The following PDE9A variants were observed in gnomAD, a reference collection of about 807,000 sequenced individuals.
The protein encoded by PDE9A is phosphodiesterase 9A.
Under a neutral mutation model 87.4 loss-of-function variants are expected in PDE9A, and 60 were observed. The observed-to-expected ratio is 0.69, with a 90% CI of 0.56 to 0.85. PDE9A has a LOEUF of 0.85. PDE9A is among the 40% of genes least tolerant of loss of function. PDE9A has a pLI of 0.00. For missense variants in PDE9A, 665 were observed against 779.0 expected (o/e 0.85, Z 1.74); for synonymous variants, 272 against 279.4 (o/e 0.97, Z 0.27).
intron 8 of PDE9A, among the ~76,000 whole-genome samples, chr21:42,744,650 G>A (rs957399047): frequency 6.6e-6 from 1 of 152,116 alleles, no homozygotes; most frequent in Admixed American, 6.5e-5. Context: ...CAGGCGCTTC[G>A]GGGGGCCCAG....
Position 42,768,214 on chromosome 21 carries a change from T to C in PDE9A, c.1383T>C (p.Cys461=), listed in dbSNP as rs1261205662. The C allele has an allele frequency of 1.2e-6, 2 of 1,609,798 alleles. No homozygotes were observed. The highest frequency in any genetic ancestry group is 1.7e-6 in the Non-Finnish European group (2 of 1,176,088). Residue 461 remains cysteine (C), a synonymous_variant, in exon 16 of 20, where the codon TGT becomes TGC. Coordinates refer to ENST00000291539, the MANE Select transcript of PDE9A (RefSeq NM_002606.3). ...TLLKMILIKC[C]DISNEVRPME... ...TGAAGATGATTTTGATAAAATGCTG[T>C]GATATCTCTAACGAGGTCCGTCCAA...
At chr21:42,726,761 G>A (rs1052786899) in intron 4 of PDE9A, among the ~76,000 whole-genome samples, 1 of 149,300 alleles carries the variant, frequency 6.7e-6, no homozygotes, top group African/African-American at 2.5e-5. Context: ...GTGTGTGGCT[G>A]GTATTTTATT....
At chr21:42,655,102 A>G (rs1306945432) in intron 1 of PDE9A, among the ~76,000 whole-genome samples, 1 of 151,952 alleles carries the variant, frequency 6.6e-6, no homozygotes, top group Non-Finnish European at 1.5e-5. Context: ...CAGCATGCAC[A>G]CTCACACACA....
chr21:42,703,479 G>T (rs1285085601), intron 4 of PDE9A, among the ~76,000 whole-genome samples: 1 of 152,254 alleles, frequency 6.6e-6, no homozygotes, highest in African/African-American at 2.4e-5. Flanking sequence ...GGCCGGGTGT[G>T]GGTGAGGTGC....
intron 8 of PDE9A, 118 bp from the exon 9 acceptor site, chr21:42,750,998 C>G (rs112663242): frequency 6.7e-6 from 5 of 743,068 alleles, no homozygotes; most frequent in Admixed American, 3.8e-5. Flanking sequence ...TCCTCTCCCA[C>G]AGCAAATAAG....
rs755950879 is a variant in PDE9A, at chr21:42,760,313, C to G, written c.898-15C>G. The G allele has an allele frequency of 1.3e-6, 2 of 1,539,464 alleles. No homozygotes were observed. The highest frequency in any genetic ancestry group is 2.7e-5 in the African/African-American group (2 of 74,194). On this transcript the variant is annotated splice_polypyrimidine_tract_variant and intron_variant, in intron 11 of 19. Coordinates refer to ENST00000291539, the MANE Select transcript of PDE9A (RefSeq NM_002606.3). This position sits in a 1 kb window ranked among gnomAD's most constrained non-coding sequence, Gnocchi z 5.2. ...GCCCAGGCACAGGGTGACTCGGACCCCCTGCCTCCCGCAGTTCTGCGTCCA... is the reference window on the plus strand; with the variant it reads ...GCCCAGGCACAGGGTGACTCGGACCGCCTGCCTCCCGCAGTTCTGCGTCCA...
At chr21:42,730,874 G>A (rs2051661802) in intron 4 of PDE9A, among the ~76,000 whole-genome samples, 1 of 152,216 alleles carries the variant, frequency 6.6e-6, no homozygotes, top group Non-Finnish European at 1.5e-5. Context: ...CTGGGTCAGT[G>A]CTTGTGAACA....
intron 10 of PDE9A, among the ~76,000 whole-genome samples, chr21:42,755,218 C>T (rs1243443166): frequency 2.0e-5 from 3 of 152,356 alleles, no homozygotes; most frequent in South Asian, 2.1e-4. Flanking sequence ...CAAGCTCGGC[C>T]GCAGCGATGT....
intron 4 of PDE9A, among the ~76,000 whole-genome samples, chr21:42,707,642 C>G (rs529200071): frequency 8.5e-5 from 13 of 152,152 alleles, no homozygotes; most frequent in Non-Finnish European, 1.9e-4. Flanking sequence ...TCCTTGTCTC[C>G]GGTGGGCTTT....
In PDE9A at chr21:42,760,384, C is replaced by A. The variant is rs144720521; in HGVS notation, c.954C>A (p.Phe318Leu). 5.6e-6 allele frequency: 9 copies of A among 1,609,864 alleles called. No individual in the cohort carries two copies. The highest frequency in any genetic ancestry group is 7.6e-6 in the Non-Finnish European group (9 of 1,179,446). ...NNPFHNFRHC[F>L]CVAQMMYSMV... ...CCTTCCACAACTTCCGGCACTGCTT[C>A]TGCGTGGCCCAGATGATGTACAGCA... is the stretch of plus-strand genomic sequence containing the variant. Residue 318 changes from phenylalanine to leucine, a missense_variant, in exon 12 of 20, where the codon TTC (phenylalanine) becomes TTA (leucine). By Grantham distance (22) the Phe-to-Leu change is conservative. Transcript: ENST00000291539. This position sits in a 1 kb window ranked among gnomAD's most constrained non-coding sequence, Gnocchi z 5.2.
rs1184116893 is a variant in PDE9A at position 42,702,691 on chromosome 21, C to T, written c.262+3680C>T. On this transcript the variant is annotated intron_variant, in intron 4 of 19. Transcript: ENST00000291539. This position sits in a 1 kb window ranked among gnomAD's most constrained non-coding sequence, Gnocchi z 4.9. Reference sequence around the variant, plus strand: ...GCTTTGTGAGAATGGCTCTAGAGGGCCCTTACCCCAGGGATAGCTCAGTCC... The same window carrying T: ...GCTTTGTGAGAATGGCTCTAGAGGGTCCTTACCCCAGGGATAGCTCAGTCC... Among the ~76,000 whole-genome samples the T allele has an allele frequency of 1.3e-5, 2 of 152,244 alleles. No individual in the cohort carries two copies. Among genetic ancestry groups the T allele is most frequent in the Non-Finnish European group, 2.9e-5 (2 of 68,046 alleles).
chr21:42,698,671 C>T (rs2146317998), intron 3 of PDE9A, among the ~76,000 whole-genome samples: 1 of 152,288 alleles, frequency 6.6e-6, no homozygotes, highest in African/African-American at 2.4e-5. Flanking sequence ...CTGCCAGAGT[C>T]TGACATTTCC....
chr21:42,686,405 C>T, intron 2 of PDE9A, 143 bp downstream of exon 2: 3 of 650,842 alleles, frequency 4.6e-6, no homozygotes, highest in Non-Finnish European at 8.1e-6. Flanking sequence ...AATCAATGCG[C>T]AGAATCCCGA....
chr21:42,773,918 C>A (rs910177217), intron 19 of PDE9A, among the ~76,000 whole-genome samples: 15 of 151,038 alleles, frequency 9.9e-5, no homozygotes, highest in Admixed American at 2.6e-4. Flanking sequence ...TCCTGGCTAA[C>A]ACGGTGAAAC....
At chr21:42,703,104 A>G (rs1014394731) in intron 4 of PDE9A, among the ~76,000 whole-genome samples, 1 of 152,200 alleles carries the variant, frequency 6.6e-6, no homozygotes, top group African/African-American at 2.4e-5. Context: ...GGAAGAGACA[A>G]GCTTTTTCCT....
intron 14 of PDE9A, among the ~76,000 whole-genome samples, chr21:42,763,777 C>T (rs1374320755): frequency 1.3e-5 from 2 of 152,210 alleles, no homozygotes; most frequent in Non-Finnish European, 2.9e-5. Flanking sequence ...AGATACTCAC[C>T]ACCCTCCAGG....
intron 3 of PDE9A, among the ~76,000 whole-genome samples, chr21:42,691,835 C>T (rs1268949867): frequency 1.3e-5 from 2 of 152,140 alleles, no homozygotes; most frequent in East Asian, 3.9e-4. Flanking sequence ...AGACCCATCA[C>T]CATCACCATC....
At chr21:42,664,796 C>T (rs936742113) in intron 1 of PDE9A, among the ~76,000 whole-genome samples, 11 of 152,218 alleles carry the variant, frequency 7.2e-5, no homozygotes, top group African/African-American at 2.4e-4. Flanking sequence ...ACGGCCGGGT[C>T]GGCCTTGCGA....
chr21:42,746,679 A>G (rs935036274), intron 8 of PDE9A, among the ~76,000 whole-genome samples: 5 of 152,226 alleles, frequency 3.3e-5, no homozygotes, highest in Non-Finnish European at 7.3e-5. Context: ...ACTTCAGCCC[A>G]TAACACACCA....
Sources: gnomAD v4.1 joint callset for allele counts (sites outside exome capture counted in the v4.1 genomes callset) on GRCh38, gnomAD v4.1.1 for gene constraint, Gnocchi (gnomAD v3.1) non-coding constraint, MANE v1.5 for transcripts, NCBI Gene and HGNC (gene_info 2026-07-23, HGNC 2026-07-21) for gene names.